Variants in FHIT observed in about 807,000 individuals in gnomAD.
FHIT encodes the protein bis(5'-adenosyl)-triphosphatase.
Under a neutral mutation model 17.9 loss-of-function variants are expected in FHIT, and 19 were observed. That is an observed-to-expected ratio of 1.06 (90% CI 0.74 to 1.56). The LOEUF is 1.56. Ranked by LOEUF, FHIT falls within the 40% of genes most tolerant of loss-of-function variation. The pLI is 0.00. For missense variants in FHIT, 248 were observed against 189.2 expected, an observed-to-expected ratio of 1.31 and a Z score of -1.82; for synonymous variants, 81 against 69.7, an observed-to-expected ratio of 1.16 and a Z score of -0.81.
chr3:60,947,373 T>G (rs1034984684), intron 3 of FHIT, among the ~76,000 whole-genome samples: 22 of 152,210 alleles, frequency 1.4e-4, no homozygotes, highest in African/African-American at 5.3e-4. Flanking sequence ...TATCGCGTGT[T>G]TTCTAAGATC....
intron 8 of FHIT, among the ~76,000 whole-genome samples, chr3:59,849,746 G>T (rs992437132): frequency 2.0e-5 from 3 of 152,174 alleles, no homozygotes; most frequent in South Asian, 4.1e-4. Flanking sequence ...AGTAAGACTT[G>T]TAATGTTTTC....
At chr3:60,516,714 A>G (rs1447980) in intron 5 of FHIT, among the ~76,000 whole-genome samples, 71,052 of 152,114 alleles carry the variant, frequency 0.47, 16,944 homozygotes, top group African/African-American at 0.54. Flanking sequence ...GAGCATAAAT[A>G]TTATATGTTA....
intron 8 of FHIT, among the ~76,000 whole-genome samples, chr3:59,912,268 T>C (rs1704915615): frequency 1.3e-5 from 2 of 152,154 alleles, no homozygotes. Flanking sequence ...TTATCCCAGA[T>C]CACCAATAGA....
At chr3:60,859,502 C>T (rs1055554538) in intron 3 of FHIT, among the ~76,000 whole-genome samples, 4 of 151,922 alleles carry the variant, frequency 2.6e-5, no homozygotes, top group Non-Finnish European at 4.4e-5. Context: ...TGACTGAGTT[C>T]CGATCAATGG....
At chr3:61,049,514 G>A (rs906267792) in intron 2 of FHIT, among the ~76,000 whole-genome samples, 4 of 152,004 alleles carry the variant, frequency 2.6e-5, no homozygotes, top group African/African-American at 9.7e-5. Context: ...AGGGAACTTG[G>A]TAACAGAACA....
At chr3:60,395,288 G>C (rs562837201) in intron 5 of FHIT, among the ~76,000 whole-genome samples, 34 of 152,242 alleles carry the variant, frequency 2.2e-4, no homozygotes, top group Non-Finnish European at 4.6e-4. Flanking sequence ...CTATGTTCTA[G>C]GAGCTGTCCT....
At chr3:60,367,551 T>C (rs1365032067) in intron 5 of FHIT, among the ~76,000 whole-genome samples, 1 of 152,216 alleles carries the variant, frequency 6.6e-6, no homozygotes, top group Admixed American at 6.5e-5. Context: ...CAAAATACAT[T>C]TGATGTATTT....
chr3:59,826,044 C>T (rs140626378), intron 8 of FHIT, among the ~76,000 whole-genome samples: 14 of 152,310 alleles, frequency 9.2e-5, no homozygotes, highest in Non-Finnish European at 1.5e-4. Context: ...CCTGCAAACA[C>T]GACTTCTTTA....
At chr3:60,914,496 A>G (rs1303671357) in intron 3 of FHIT, among the ~76,000 whole-genome samples, 2 of 152,020 alleles carry the variant, frequency 1.3e-5, no homozygotes, top group Non-Finnish European at 2.9e-5. Context: ...CTTGCATAGG[A>G]AAATGAGTAA....
intron 3 of FHIT, among the ~76,000 whole-genome samples, chr3:60,912,534 T>A (rs781994167): frequency 4.6e-5 from 7 of 152,226 alleles, no homozygotes; most frequent in Non-Finnish European, 8.8e-5. Flanking sequence ...CTGAAGGCAG[T>A]TGAGAAGAAG....
At chr3:60,912,610 G>A (rs1338627086) in intron 3 of FHIT, among the ~76,000 whole-genome samples, 1 of 152,062 alleles carries the variant, frequency 6.6e-6, no homozygotes, top group Non-Finnish European at 1.5e-5. Flanking sequence ...ATTTATAAAG[G>A]TGCCCTCCCC....
chr3:60,214,785 C>T (rs1483323904), intron 5 of FHIT, among the ~76,000 whole-genome samples: 3 of 152,012 alleles, frequency 2.0e-5, no homozygotes, highest in Admixed American at 1.3e-4. Context: ...CAACAGTGAA[C>T]TGGATAAAGA....
chr3:60,426,560 A>G (rs561228812), intron 5 of FHIT, among the ~76,000 whole-genome samples: 15 of 152,244 alleles, frequency 9.9e-5, no homozygotes, highest in African/African-American at 3.6e-4. Flanking sequence ...TCATTCCCTT[A>G]TAGCTCAAAA....
At chr3:61,092,942 A>G (rs2035530458) in intron 2 of FHIT, among the ~76,000 whole-genome samples, 1 of 152,232 alleles carries the variant, frequency 6.6e-6, no homozygotes, top group Admixed American at 6.5e-5. Flanking sequence ...GAAAATATAC[A>G]GAGTCTGATT....
At chr3:59,800,584 A>AC (rs1699952798) in intron 8 of FHIT, among the ~76,000 whole-genome samples, 2 of 152,238 alleles carry the variant, frequency 1.3e-5, no homozygotes, top group African/African-American at 4.8e-5. Context: ...GCAAAGGACC[A>AC]CCGTCTAACA....
chr3:60,710,069 A>C, intron 4 of FHIT, among the ~76,000 whole-genome samples: 1 of 145,570 alleles, frequency 6.9e-6, no homozygotes, highest in Admixed American at 6.9e-5. Context: ...CAGCACACAG[A>C]ATGCTAAAAA....
intron 5 of FHIT, among the ~76,000 whole-genome samples, chr3:60,390,159 G>A (rs972618202): frequency 7.9e-5 from 12 of 152,006 alleles, no homozygotes; most frequent in Non-Finnish European, 5.9e-5. Context: ...TTATTCACTT[G>A]TTTTAAATTT....
At chr3:60,943,885 C>T (rs1486785568) in intron 3 of FHIT, among the ~76,000 whole-genome samples, 2 of 152,090 alleles carry the variant, frequency 1.3e-5, no homozygotes, top group African/African-American at 4.8e-5. Context: ...ATTTCTTTAC[C>T]TATAACATGA....
chr3:60,033,876 T>G (rs546268586), intron 5 of FHIT, among the ~76,000 whole-genome samples: 2 of 152,348 alleles, frequency 1.3e-5, no homozygotes, highest in South Asian at 2.1e-4. Flanking sequence ...ATCAACATTA[T>G]CATTTATGTT....
Sources: allele counts gnomAD v4.1 joint callset (sites outside exome capture counted in the v4.1 genomes callset), GRCh38; gene constraint gnomAD v4.1.1; transcripts MANE v1.5; gene names NCBI Gene and HGNC (gene_info 2026-07-23, HGNC 2026-07-21).